SUPT4H1: variants seen among roughly 807,000 people sequenced by gnomAD.
SUPT4H1 encodes SPT4 homolog, DSIF elongation factor subunit.
In SUPT4H1, 12 loss-of-function variants were observed where a neutral mutation model predicts 19.4. The ratio of observed to expected loss-of-function variants is 0.62; its 90% CI spans 0.40 to 1.00. The LOEUF is 1.00. SUPT4H1 is among the 50% of genes least tolerant of loss of function. The pLI, the probability that SUPT4H1 is intolerant of heterozygous loss-of-function variation, is 0.00. For synonymous variants in SUPT4H1, 58 were observed against 56.3 expected (o/e 1.03, Z -0.14); for missense variants, 115 against 149.2 (o/e 0.77, Z 1.19).
At chr17:58,351,919 A>G (rs1972539801) in intron 1 of SUPT4H1, 148 bp downstream of exon 1, 1 of 795,318 alleles carries the variant, frequency 1.3e-6, no homozygotes, top group Admixed American at 2.4e-5. Context: ...TACGAGGTAA[A>G]CGATGGCCTC....
rs2526375 is a variant in SUPT4H1 at position 58,351,733 on chromosome 17, A to G, written c.70-225T>C. 83,551 of 576,210 alleles carry G rather than the reference A, an allele frequency of 0.15. 7,228 individuals carry two copies. Among genetic ancestry groups the G allele is most frequent in the Middle Eastern group, 0.19 (414 of 2,206 alleles). 35.7% of individuals were successfully genotyped at this position (576,210 alleles called of 1,614,324 possible). ...TTCCGTTTTATCTATTCCTTTCTCT[A>G]GTCTACTCAGGGTCAGGCATCCTTT... On this transcript the variant is annotated intron_variant, in intron 1 of 4. Transcript: ENST00000225504.
chr17:58,352,180 T>C lies in SUPT4H1; in HGVS notation c.-45A>G, dbSNP rs1294282766. Reference sequence around the variant, plus strand: ...AACAGGGAGATAGACGACCACAGCCTGTGCACCCGCAGGAAGTAAATAGCT... The same window carrying C: ...AACAGGGAGATAGACGACCACAGCCCGTGCACCCGCAGGAAGTAAATAGCT... On this transcript the variant is annotated 5_prime_UTR_variant, in exon 1 of 5. Transcript: ENST00000225504. 4.4e-6 allele frequency: 7 copies of C among 1,590,224 alleles called. No homozygotes were observed. Among genetic ancestry groups the C allele is most frequent in the Admixed American group, 1.7e-5 (1 of 59,834 alleles).
Position 58,347,866 on chromosome 17 carries a change from G to A in SUPT4H1, c.177-282C>T, listed in dbSNP as rs112247131. Among the ~76,000 whole-genome samples, 139 of 152,248 alleles carry A rather than the reference G, an allele frequency of 9.1e-4. 1 individual carries two copies. The highest frequency in any genetic ancestry group is 3.2e-3 in the African/African-American group (131 of 41,552). On this transcript the variant is annotated intron_variant, in intron 2 of 4. Coordinates refer to ENST00000225504, the MANE Select transcript of SUPT4H1 (RefSeq NM_003168.3). Reference sequence around the variant, plus strand: ...CCTAACATTCCCTAGAAAATGAGACGGCTTTAGGACAAGGGGTCCAATAGT... The same window carrying A: ...CCTAACATTCCCTAGAAAATGAGACAGCTTTAGGACAAGGGGTCCAATAGT...
chr17:58,350,019 A>G (rs1182745162), intron 2 of SUPT4H1, among the ~76,000 whole-genome samples: 2 of 152,262 alleles, frequency 1.3e-5, no homozygotes, highest in Non-Finnish European at 2.9e-5. Flanking sequence ...ACAGTGGCTC[A>G]TGCCTGTAAT....
In SUPT4H1 at chr17:58,345,479, C is replaced by G. The variant is rs1343838723; in HGVS notation, c.*767G>C. On this transcript the variant is annotated 3_prime_UTR_variant, in exon 5 of 5. Coordinates refer to ENST00000225504, the MANE Select transcript of SUPT4H1 (RefSeq NM_003168.3). Reference sequence around the variant, plus strand: ...GACCTACCTCCTACAGGGGCACAAACAAGGGAGACTAGGACTCAATGGTCG... The same window carrying G: ...GACCTACCTCCTACAGGGGCACAAAGAAGGGAGACTAGGACTCAATGGTCG... The G allele has an allele frequency of 6.6e-6, 1 of 152,026 alleles. No individual in the cohort carries two copies. The highest frequency in any genetic ancestry group is 1.5e-5 in the Non-Finnish European group (1 of 67,970). 9.4% of individuals were successfully genotyped at this position (152,026 alleles called of 1,614,324 possible).
rs1972414332 is a variant in SUPT4H1 at position 58,349,643 on chromosome 17, T to C, written c.176+1759A>G. On this transcript the variant is annotated intron_variant, in intron 2 of 4. Transcript: ENST00000225504. ...CAAAAGGGAGAAACAACCCAAGATATCATTGATGAATGAATGGGCAGCAGA... is the reference window on the plus strand; with the variant it reads ...CAAAAGGGAGAAACAACCCAAGATACCATTGATGAATGAATGGGCAGCAGA... Among the ~76,000 whole-genome samples the C allele has an allele frequency of 3.3e-5, 5 of 152,208 alleles. No individual in the cohort carries two copies. In the South Asian group the frequency reaches 6.2e-4, roughly 19 times the overall value.
rs188665469 is a variant in SUPT4H1, at chr17:58,348,852, G to A, written c.177-1268C>T. Among the ~76,000 whole-genome samples the A allele has an allele frequency of 9.2e-4, 140 of 152,206 alleles. 1 individual carries two copies. Among genetic ancestry groups the A allele is most frequent in the African/African-American group, 3.3e-3 (135 of 41,522 alleles). On this transcript the variant is annotated intron_variant, in intron 2 of 4. Transcript: ENST00000225504. ...TTGCCCACTCTTTAAGACCTAATAT[G>A]CACTAGAATTATACAAATAATTCCT...
intron 2 of SUPT4H1, among the ~76,000 whole-genome samples, chr17:58,349,894 A>C (rs1349173984): frequency 6.6e-6 from 1 of 152,222 alleles, no homozygotes; most frequent in Non-Finnish European, 1.5e-5. Flanking sequence ...ACGAGGAGCT[A>C]GTGTTTAATG....
At chr17:58,351,586 C>A in intron 1 of SUPT4H1, 78 bp from the exon 2 acceptor site, 1 of 932,120 alleles carries the variant, frequency 1.1e-6, no homozygotes, top group South Asian at 1.4e-5. Flanking sequence ...TTTCTCAATA[C>A]TTCGACCTGC....
rs139251542 is a variant in SUPT4H1 at position 58,348,711 on chromosome 17, T to TTC, written c.177-1129_177-1128dup. On this transcript the variant is annotated intron_variant, in intron 2 of 4. Coordinates refer to ENST00000225504, the MANE Select transcript of SUPT4H1 (RefSeq NM_003168.3). ...CTAGTCACTCCCTTTATTTGGAATGTTCTCTCTCTCTCTCACCTCAACTTC... is the reference window on the plus strand; with the variant it reads ...CTAGTCACTCCCTTTATTTGGAATGTTCTCTCTCTCTCTCTCACCTCAACTTC... Among the ~76,000 whole-genome samples the TTC allele has an allele frequency of 5.3e-3, 799 of 151,832 alleles. 6 individuals carry two copies. Among genetic ancestry groups the TTC allele is most frequent in the African/African-American group, 0.018 (766 of 41,454 alleles).
chr17:58,350,888 A>ACTACACCTC (rs1488680924), intron 2 of SUPT4H1, among the ~76,000 whole-genome samples: 1 of 151,112 alleles, frequency 6.6e-6, no homozygotes, highest in African/African-American at 2.4e-5. Context: ...ATCTACCATT[A>ACTACACCTC]CTACACCTCC....
Position 58,352,187 on chromosome 17 carries a change from C to T in SUPT4H1, c.-52G>A, listed in dbSNP as rs191215919. 1,272 of 1,572,288 alleles carry T rather than the reference C, an allele frequency of 8.1e-4. 5 individuals carry two copies. The African/African-American group carries it at 0.015, about 19-fold the overall frequency. Reference sequence around the variant, plus strand: ...AGATAGACGACCACAGCCTGTGCACCCGCAGGAAGTAAATAGCTCGTTACC... The same window carrying T: ...AGATAGACGACCACAGCCTGTGCACTCGCAGGAAGTAAATAGCTCGTTACC... On this transcript the variant is annotated 5_prime_UTR_variant, in exon 1 of 5. Coordinates refer to ENST00000225504, the MANE Select transcript of SUPT4H1 (RefSeq NM_003168.3).
chr17:58,351,281 C>T, intron 2 of SUPT4H1, 121 bp downstream of exon 2: 1 of 491,980 alleles, frequency 2.0e-6, no homozygotes, highest in South Asian at 3.6e-5. Context: ...AAAACCCACA[C>T]AAAATAACCC....
At position 58,347,573 on chromosome 17, in the gene SUPT4H1, A is replaced by G; in HGVS notation, c.188T>C (p.Met63Thr). The G allele has an allele frequency of 6.2e-7, 1 of 1,614,172 alleles. No homozygotes were observed. Among genetic ancestry groups the G allele is most frequent in the Non-Finnish European group, 8.5e-7 (1 of 1,180,030 alleles). The part of the protein sequence containing the change: ...TSSSFDGIIA[M>T]MSPEDSWVSK... Reference sequence around the variant, plus strand: ...GACCCAGCTGTCCTCTGGACTCATCATCGCAATGATTCTAGGGAGGGAAAA... The same window carrying G: ...GACCCAGCTGTCCTCTGGACTCATCGTCGCAATGATTCTAGGGAGGGAAAA... The change falls in exon 3 of 5, where the codon ATG (methionine) becomes ACG (threonine). Residue 63 changes from methionine (M) to threonine (T), a missense_variant. Met to Thr is a moderately conservative substitution (Grantham distance 81, BLOSUM62 -1). Coordinates refer to ENST00000225504, the MANE Select transcript of SUPT4H1 (RefSeq NM_003168.3).
rs776435810 is a variant in SUPT4H1 at position 58,347,239 on chromosome 17, T to C, written c.235A>G (p.Asn79Asp). ...SWVSKWQRVSNFKPGVYAVSV... is the reference protein window; with the variant it reads ...SWVSKWQRVSDFKPGVYAVSV... Reference sequence around the variant, plus strand: ...ACCGCATATACACCTGGCTTAAAGTTACCTGAGAGAGAAGAAAAAAGATAC... The same window carrying C: ...ACCGCATATACACCTGGCTTAAAGTCACCTGAGAGAGAAGAAAAAAGATAC... Residue 79 changes from asparagine (N) to aspartate (D), a missense_variant and splice_region_variant, in exon 4 of 5, where the codon AAC becomes GAC. Coordinates refer to ENST00000225504, the MANE Select transcript of SUPT4H1 (RefSeq NM_003168.3). 6.2e-7 allele frequency: 1 copy of C among 1,614,142 alleles called. No individual in the cohort carries two copies. The highest frequency in any genetic ancestry group is 8.5e-7 in the Non-Finnish European group (1 of 1,180,014).
chr17:58,349,616 G>A (rs919282291), intron 2 of SUPT4H1, among the ~76,000 whole-genome samples: 1 of 152,208 alleles, frequency 6.6e-6, no homozygotes, highest in African/African-American at 2.4e-5. Flanking sequence ...TTCACAAATA[G>A]CCAAAAGGGA....
chr17:58,351,578 T>C, intron 1 of SUPT4H1, 70 bp from the exon 2 acceptor site: 2 of 1,053,188 alleles, frequency 1.9e-6, no homozygotes, highest in Non-Finnish European at 2.9e-6. Flanking sequence ...AAAGTAGCTT[T>C]CTCAATACTT....
At chr17:58,349,929 G>C (rs1052940819) in intron 2 of SUPT4H1, among the ~76,000 whole-genome samples, 1 of 152,224 alleles carries the variant, frequency 6.6e-6, no homozygotes, top group Non-Finnish European at 1.5e-5. Flanking sequence ...AAGTTCTGGA[G>C]ATGGATGGTG....
At chr17:58,346,628 C>A (rs1027305596) in intron 4 of SUPT4H1, among the ~76,000 whole-genome samples, 33 of 143,366 alleles carry the variant, frequency 2.3e-4, no homozygotes, top group Non-Finnish European at 1.1e-4. Context: ...GAGGCTGAGG[C>A]GGGAGGATCC....
Sources: allele counts gnomAD v4.1 joint callset (sites outside exome capture counted in the v4.1 genomes callset), GRCh38; gene constraint gnomAD v4.1.1; transcripts MANE v1.5; gene names NCBI Gene and HGNC (gene_info 2026-07-23, HGNC 2026-07-21).